DNAI7: variants seen among roughly 807,000 people sequenced by gnomAD.
DNAI7 encodes the protein dynein axonemal intermediate chain 7.
Under a neutral mutation model 86.6 loss-of-function variants are expected in DNAI7, and 78 were observed. The ratio of observed to expected loss-of-function variants is 0.90; its 90% CI spans 0.75 to 1.09. The LOEUF (loss-of-function observed/expected upper bound fraction) is 1.09, where lower values mean the gene tolerates loss of function less well. Ranked by LOEUF, DNAI7 falls within the 50% of genes least tolerant of loss-of-function variation. The pLI is 0.00. For missense variants in DNAI7, 753 were observed against 810.2 expected (o/e 0.93, Z 0.86); for synonymous variants, 274 against 273.0 (o/e 1.00, Z -0.04).
At position 25,142,914 on chromosome 12, in the gene DNAI7, G is replaced by A. The variant is rs974500241; in HGVS notation, c.1002+1451C>T. Among the ~76,000 whole-genome samples the A allele has an allele frequency of 3.9e-4, 60 of 152,212 alleles. 1 individual carries two copies. Among genetic ancestry groups the A allele is most frequent in the African/African-American group, 1.3e-3 (56 of 41,518 alleles). ...ATGCCTAGCTGCAACATGGAAAGGA[G>A]TATAATCCTTCCATATTCCAGGAAA... On this transcript the variant is annotated intron_variant, in intron 9 of 15. Transcript: ENST00000395987.
intron 14 of DNAI7, among the ~76,000 whole-genome samples, chr12:25,111,098 C>A (rs919968484): frequency 1.3e-5 from 2 of 152,072 alleles, no homozygotes; most frequent in Non-Finnish European, 2.9e-5. Flanking sequence ...TTTTCTGATA[C>A]ATTCATAAAT....
chr12:25,190,041 G>C (rs1950379853), intron 2 of DNAI7, among the ~76,000 whole-genome samples: 1 of 150,138 alleles, frequency 6.7e-6, no homozygotes, highest in African/African-American at 2.4e-5. Context: ...TATGTCTGTA[G>C]GGTAAATTTG....
At chr12:25,166,847 T>C (rs1217671214) in intron 2 of DNAI7, among the ~76,000 whole-genome samples, 1 of 152,146 alleles carries the variant, frequency 6.6e-6, no homozygotes, top group African/African-American at 2.4e-5. Flanking sequence ...CTATGCTCAA[T>C]TCACTCTCTA....
intron 7 of DNAI7, among the ~76,000 whole-genome samples, chr12:25,147,484 C>CCCCCG (rs55662471): frequency 7.2e-6 from 1 of 138,176 alleles, no homozygotes; most frequent in East Asian, 2.0e-4. Flanking sequence ...AGACCACCCC[C>CCCCCG]ATCTCTACAA....
At position 25,112,500 on chromosome 12, in the gene DNAI7, A is replaced by G. The variant is rs143879119; in HGVS notation, c.1612-561T>C. On this transcript the variant is annotated intron_variant, in intron 13 of 15. Coordinates refer to ENST00000395987, the MANE Select transcript of DNAI7 (RefSeq NM_018272.5). ...TGGCTCACTGCAAGCTCTGCCTCCC[A>G]GGTTCACACCATTCTCCTGCTTCAG... Among the ~76,000 whole-genome samples, 1,075 of 135,786 alleles carry G rather than the reference A, an allele frequency of 7.9e-3. 30 individuals are homozygous for G. Among genetic ancestry groups the G allele is most frequent in the East Asian group, 0.058 (272 of 4,690 alleles). 89.1% of individuals were successfully genotyped at this position (135,786 alleles called of 152,430 possible).
intron 2 of DNAI7, among the ~76,000 whole-genome samples, chr12:25,170,025 C>A (rs1033031743): frequency 1.3e-5 from 2 of 152,044 alleles, no homozygotes. Flanking sequence ...TAGCTATTCT[C>A]ACATCAGACA....
intron 9 of DNAI7, among the ~76,000 whole-genome samples, chr12:25,128,777 A>G (rs1258922650): frequency 6.6e-6 from 1 of 152,164 alleles, no homozygotes; most frequent in Non-Finnish European, 1.5e-5. Context: ...TGTCCAAACC[A>G]CCATGACTTA....
At chr12:25,107,860 A>C, downstream of DNAI7, 8 of 1,614,080 alleles carry the variant, frequency 5.0e-6, no homozygotes, top group Non-Finnish European at 6.8e-6. Flanking sequence ...CAAGTCCTCC[A>C]TCAGAAAGGC....
chr12:25,169,878 C>T (rs1224206006), intron 2 of DNAI7, among the ~76,000 whole-genome samples: 1 of 148,546 alleles, frequency 6.7e-6, no homozygotes, highest in East Asian at 2.0e-4. Context: ...AAAAAAGATA[C>T]AGAACCACAG....
At chr12:25,162,814 C>G (rs1946982023) in intron 2 of DNAI7, among the ~76,000 whole-genome samples, 1 of 152,218 alleles carries the variant, frequency 6.6e-6, no homozygotes, top group African/African-American at 2.4e-5. Context: ...AATCATAGTT[C>G]CAGTGAAACT....
intron 2 of DNAI7, among the ~76,000 whole-genome samples, chr12:25,188,285 C>A (rs750449234): frequency 4.6e-5 from 7 of 152,072 alleles, no homozygotes; most frequent in Non-Finnish European, 8.8e-5. Flanking sequence ...GAAAAGGGGT[C>A]TCTGTGTGTG....
intron 14 of DNAI7, among the ~76,000 whole-genome samples, chr12:25,110,819 T>G (rs1281152590): frequency 6.6e-6 from 1 of 152,170 alleles, no homozygotes; most frequent in Non-Finnish European, 1.5e-5. Context: ...TTTTTAAATG[T>G]TTTCCTTCGA....
intron 9 of DNAI7, among the ~76,000 whole-genome samples, chr12:25,142,404 G>A (rs549426473): frequency 2.6e-4 from 40 of 152,050 alleles, no homozygotes; most frequent in South Asian, 1.0e-3. Context: ...TCCACTGCTC[G>A]GGTAATGGGT....
chr12:25,132,068 C>T (rs1239592148), intron 9 of DNAI7, among the ~76,000 whole-genome samples: 4 of 151,922 alleles, frequency 2.6e-5, no homozygotes, highest in Non-Finnish European at 5.9e-5. Context: ...AGGGATTATT[C>T]GTGTGATGGG....
intron 3 of DNAI7, among the ~76,000 whole-genome samples, chr12:25,160,317 C>A (rs1946694233): frequency 6.6e-6 from 1 of 152,152 alleles, no homozygotes; most frequent in African/African-American, 2.4e-5. Context: ...CTAAATTTCT[C>A]TTCAAAGAAT....
At chr12:25,181,650 G>A (rs1399356054) in intron 2 of DNAI7, among the ~76,000 whole-genome samples, 2 of 151,432 alleles carry the variant, frequency 1.3e-5, no homozygotes, top group Non-Finnish European at 2.9e-5. Flanking sequence ...TCTGACAAAG[G>A]ACAAATACCC....
intron 10 of DNAI7, among the ~76,000 whole-genome samples, chr12:25,122,121 CAT>C (rs1451514776): frequency 6.6e-6 from 1 of 152,022 alleles, no homozygotes; most frequent in African/African-American, 2.4e-5. Flanking sequence ...TAGGGGAGGA[CAT>C]AATTTTTATT....
intron 9 of DNAI7, among the ~76,000 whole-genome samples, chr12:25,124,315 C>T (rs1941774177): frequency 6.6e-6 from 1 of 152,040 alleles, no homozygotes. Flanking sequence ...TCTCTGCAAA[C>T]CCTTTCCATC....
intron 12 of DNAI7, among the ~76,000 whole-genome samples, chr12:25,118,407 G>A: frequency 6.6e-6 from 1 of 151,964 alleles, no homozygotes; most frequent in Non-Finnish European, 1.5e-5. Context: ...GGGATTACAG[G>A]TGTGTGCCAC....
Sources: allele counts gnomAD v4.1 joint callset (sites outside exome capture counted in the v4.1 genomes callset), GRCh38; gene constraint gnomAD v4.1.1; transcripts MANE v1.5; gene names NCBI Gene and HGNC (gene_info 2026-07-23, HGNC 2026-07-21).